RBP4: variants seen among roughly 807,000 people sequenced by gnomAD.
RBP4 encodes the protein retinol binding protein 4, also known as retinol-binding protein 4.
A neutral mutation model predicts 26.2 loss-of-function variants in RBP4; 9 were observed. That is an observed-to-expected ratio of 0.34 (90% CI 0.21 to 0.60). The LOEUF (loss-of-function observed/expected upper bound fraction) is 0.60. Among genes scored for constraint, RBP4 ranks in the 20% least tolerant of loss-of-function variants. The pLI, the probability that RBP4 is intolerant of heterozygous loss-of-function variation, is 0.80. For missense variants in RBP4, 244 were observed against 271.3 expected (o/e 0.90, Z 0.71); for synonymous variants, 114 against 111.0 (o/e 1.03, Z -0.17).
At chr10:93,600,135 G>A (rs1286306220) in intron 4 of RBP4, among the ~76,000 whole-genome samples, 1 of 152,200 alleles carries the variant, frequency 6.6e-6, no homozygotes, top group Non-Finnish European at 1.5e-5. Flanking sequence ...AGTGGCTGGT[G>A]GGGAAAATGA....
chr10:93,599,304 T>C (rs1231535019), intron 4 of RBP4, among the ~76,000 whole-genome samples: 4 of 151,920 alleles, frequency 2.6e-5, no homozygotes, highest in African/African-American at 9.7e-5. Flanking sequence ...AAAAATGCAA[T>C]TTCATCCAAC....
At chr10:93,601,236 G>A (rs896710606), upstream of RBP4, 11 of 1,233,958 alleles carry the variant, frequency 8.9e-6, no homozygotes, top group African/African-American at 1.6e-4. Context: ...CGAGGGAGGC[G>A]AGCGCGCCGC....
chr10:93,596,621 T>C (rs1328813542), intron 4 of RBP4, among the ~76,000 whole-genome samples: 1 of 152,130 alleles, frequency 6.6e-6, no homozygotes, highest in Non-Finnish European at 1.5e-5. Context: ...AGCCCCTGCC[T>C]CCCCTCTACC....
chr10:93,595,539 C>T (rs551011235), intron 4 of RBP4, among the ~76,000 whole-genome samples: 20 of 152,326 alleles, frequency 1.3e-4, no homozygotes, highest in African/African-American at 4.3e-4. Flanking sequence ...AGTACACTGA[C>T]GGGAGAGGGG....
Position 93,591,892 on chromosome 10 carries a change from A to C in RBP4, c.*183T>G, listed in dbSNP as rs2058268501. ...ATCAGAGTCTGGAATCTTAAGCCCCAGAAACTTTCAGGAAAGGCAAGCAGA... is the reference window on the plus strand; with the variant it reads ...ATCAGAGTCTGGAATCTTAAGCCCCCGAAACTTTCAGGAAAGGCAAGCAGA... On this transcript the variant is annotated 3_prime_UTR_variant, in exon 6 of 6. Transcript: ENST00000371464. 3.3e-6 allele frequency: 2 copies of C among 615,096 alleles called. No homozygotes were observed. The highest frequency in any genetic ancestry group is 5.8e-6 in the Non-Finnish European group (2 of 345,860). 38.1% of individuals were successfully genotyped at this position (615,096 alleles called of 1,614,324 possible).
intron 4 of RBP4, among the ~76,000 whole-genome samples, chr10:93,595,028 C>T (rs1428606713): frequency 1.3e-5 from 2 of 152,046 alleles, no homozygotes; most frequent in African/African-American, 2.4e-5. Flanking sequence ...GTGGTCTCCA[C>T]TACTTGCGGC....
chr10:93,596,975 TGAGTG>T (rs1227136263), intron 4 of RBP4, among the ~76,000 whole-genome samples: 18 of 152,168 alleles, frequency 1.2e-4, no homozygotes, highest in Non-Finnish European at 2.2e-4. Context: ...CCCAGAAAAG[TGAGTG>T]GAGTCTGAGG....
chr10:93,592,193 A>G lies in RBP4; in HGVS notation c.569-81T>C, dbSNP rs76999824. 11,516 of 1,208,174 alleles carry G rather than the reference A, an allele frequency of 9.5e-3. 613 individuals are homozygous for G. In the African/African-American group the frequency reaches 0.13, roughly 14 times the overall value. 74.8% of individuals were successfully genotyped at this position (1,208,174 alleles called of 1,614,324 possible). A position where few individuals can be genotyped will look rare whatever the true frequency, so the allele number is the denominator to read the frequency against. ...AGATAATGAACATCATGATGGCCTT[A>G]GAGCTGGCTTCATTCAAATGCTTCT... On this transcript the variant is annotated intron_variant, in intron 5 of 5. Transcript: ENST00000371464.
At chr10:93,595,693 C>A (rs1376826480) in intron 4 of RBP4, among the ~76,000 whole-genome samples, 1 of 152,248 alleles carries the variant, frequency 6.6e-6, no homozygotes, top group Non-Finnish European at 1.5e-5. Flanking sequence ...ACCTGGAATG[C>A]TGGTCCTAAG....
chr10:93,599,645 T>G (rs1032670809), intron 4 of RBP4, among the ~76,000 whole-genome samples: 1 of 152,138 alleles, frequency 6.6e-6, no homozygotes, highest in Non-Finnish European at 1.5e-5. Flanking sequence ...AAAGGTTAAC[T>G]CTCCCTCTCT....
chr10:93,601,197 C>T lies in RBP4; in HGVS notation c.-45G>A, dbSNP rs891824226. On this transcript the variant is annotated 5_prime_UTR_variant, in exon 1 of 6. Coordinates refer to ENST00000371464, the MANE Select transcript of RBP4 (RefSeq NM_006744.4). ...ACCGGGAGGGGAACCGCGCGCAAGC[C>T]TGGCCGCCGAGTCCGGGCGCGCGTG... 17 of 1,344,616 alleles carry T rather than the reference C, an allele frequency of 1.3e-5. No individual in the cohort carries two copies. The highest frequency in any genetic ancestry group is 1.5e-5 in the Non-Finnish European group (16 of 1,057,434). The allele number at this position is 1,344,616 out of a possible 1,614,324, so 83.3% of individuals were successfully genotyped here.
chr10:93,600,641 G>C, intron 3 of RBP4, 26 bp downstream of exon 3: 1 of 1,612,198 alleles, frequency 6.2e-7, no homozygotes, highest in Non-Finnish European at 8.5e-7. Context: ...AGCGCAAAGG[G>C]CGCAGCTGCC....
At position 93,596,519 on chromosome 10, in the gene RBP4, C is replaced by G. The variant is rs545180983; in HGVS notation, c.356-2484G>C. On this transcript the variant is annotated intron_variant, in intron 4 of 5. Coordinates refer to ENST00000371464, the MANE Select transcript of RBP4 (RefSeq NM_006744.4). ...AGCTGGGCAGGGCTCCTCTGGAGAA[C>G]CAGACACCCCCAGCCATTTCCAGAC... Among the ~76,000 whole-genome samples the G allele has an allele frequency of 2.0e-5, 3 of 152,302 alleles. No homozygotes were observed. In the South Asian group the frequency reaches 6.2e-4, roughly 32 times the overall value.
chr10:93,596,359 C>A (rs1003356448), intron 4 of RBP4, among the ~76,000 whole-genome samples: 1 of 152,152 alleles, frequency 6.6e-6, no homozygotes, highest in Non-Finnish European at 1.5e-5. Context: ...GCTCTTTTGG[C>A]TGAATAATTC....
chr10:93,600,663 TGA>T lies in RBP4; in HGVS notation c.248+2_248+3del. ...AGGGCGCAGCTGCCCCGGCGGCCACTGACTTCAAAAGACGGACTCGGCCCTTG... is the reference window on the plus strand; with the variant it reads ...AGGGCGCAGCTGCCCCGGCGGCCACTCTTCAAAAGACGGACTCGGCCCTTG... On this transcript the variant is annotated splice_donor_variant and splice_donor_region_variant and intron_variant, in intron 3 of 5. Coordinates refer to ENST00000371464, the MANE Select transcript of RBP4 (RefSeq NM_006744.4). LOFTEE classifies it high-confidence loss of function. 6.2e-7 allele frequency: 1 copy of T among 1,612,096 alleles called. No homozygotes were observed. The highest frequency in any genetic ancestry group is 8.5e-7 in the Non-Finnish European group (1 of 1,179,282).
intron 5 of RBP4, among the ~76,000 whole-genome samples, chr10:93,593,326 C>T (rs1490593427): frequency 6.6e-6 from 1 of 152,156 alleles, no homozygotes; most frequent in East Asian, 1.9e-4. Flanking sequence ...TGAGGAAACC[C>T]AGCTAGACAA....
rs2058283423 is a variant in RBP4 at position 93,593,849 on chromosome 10, C to T, written c.542G>A (p.Arg181Lys). ...GTTGTGGACGATCAGCCTGTACTGC[C>T]TGGCCAGGCACAGCTCCTCCTGCCG... The part of the protein sequence containing the change: ...RQRQEELCLA[R>K]QYRLIVHNGY... The change falls in exon 5 of 6, where the codon AGG becomes AAG. Residue 181 changes from arginine to lysine, a missense_variant. By Grantham distance (26) the Arg-to-Lys change is conservative. Coordinates refer to ENST00000371464, the MANE Select transcript of RBP4 (RefSeq NM_006744.4). 1 of 1,612,362 alleles carries T rather than the reference C, an allele frequency of 6.2e-7. No homozygotes were observed. Among genetic ancestry groups the T allele is most frequent in the East Asian group, 2.2e-5 (1 of 44,886 alleles).
At chr10:93,592,703 T>C (rs183653001) in intron 5 of RBP4, among the ~76,000 whole-genome samples, 2 of 152,320 alleles carry the variant, frequency 1.3e-5, no homozygotes, top group East Asian at 3.9e-4. Flanking sequence ...TGGCCCTACA[T>C]TTAATTTTGA....
At chr10:93,592,744 G>T (rs963756494) in intron 5 of RBP4, among the ~76,000 whole-genome samples, 2 of 152,056 alleles carry the variant, frequency 1.3e-5, no homozygotes, top group African/African-American at 4.8e-5. Flanking sequence ...ATTTGATTTT[G>T]GTCTAAGTTC....
Sources: allele counts gnomAD v4.1 joint callset (sites outside exome capture counted in the v4.1 genomes callset), GRCh38; gene constraint gnomAD v4.1.1; transcripts MANE v1.5; gene names NCBI Gene and HGNC (gene_info 2026-07-23, HGNC 2026-07-21).